TCP11L2: variants seen among roughly 807,000 people sequenced by gnomAD.
TCP11L2 encodes the protein T-complex protein 11-like protein 2.
A neutral mutation model predicts 50.7 loss-of-function variants in TCP11L2; 39 were observed. The observed-to-expected ratio is 0.77, with a 90% CI of 0.60 to 1.01. TCP11L2 has a LOEUF of 1.01. Ranked by LOEUF, TCP11L2 falls within the 50% of genes least tolerant of loss-of-function variation. TCP11L2 has a pLI of 0.00. For missense variants in TCP11L2, 612 were observed against 614.7 expected (o/e 1.00, Z 0.05); for synonymous variants, 192 against 219.3 (o/e 0.88, Z 1.10).
In TCP11L2 at chr12:106,321,550, A is replaced by G; in HGVS notation, c.479A>G (p.Asp160Gly). The G allele has an allele frequency of 6.2e-7, 1 of 1,614,226 alleles. No individual in the cohort carries two copies. Among genetic ancestry groups the G allele is most frequent in the Non-Finnish European group, 8.5e-7 (1 of 1,180,044 alleles). Reference sequence around the variant, plus strand: ...CGCAACCAAATCTGTGAAGTTTTGGACACAGACCTCATTAGGCAGCAGGCT... The same window carrying G: ...CGCAACCAAATCTGTGAAGTTTTGGGCACAGACCTCATTAGGCAGCAGGCT... ...RLRNQICEVL[D>G]TDLIRQQAEH... The change falls in exon 5 of 10, where the codon GAC becomes GGC. Residue 160 changes from aspartate (D) to glycine (G), a missense_variant. Transcript: ENST00000299045.
rs1197399194 is a variant in TCP11L2 at position 106,321,391 on chromosome 12, G to T, written c.415-95G>T. ...TCTGTGGCATCTGAGGCACTAAAAT[G>T]TGGGCAAAGAGCTTGGTCATCTAGA... On this transcript the variant is annotated intron_variant, in intron 4 of 9. Transcript: ENST00000299045. 14 of 1,082,004 alleles carry T rather than the reference G, an allele frequency of 1.3e-5. No individual in the cohort carries two copies. The South Asian group carries it at 1.9e-4, about 15-fold the overall frequency. The allele number at this position is 1,082,004 out of a possible 1,614,324, so 67.0% of individuals were successfully genotyped here. A position where few individuals can be genotyped will look rare whatever the true frequency, so the allele number is the denominator to read the frequency against.
At chr12:106,300,516 G>A (rs2034392358), upstream of TCP11L2, among the ~76,000 whole-genome samples, 2 of 152,106 alleles carry the variant, frequency 1.3e-5, no homozygotes, top group African/African-American at 4.8e-5. Context: ...ATTTTTAGTA[G>A]AGACGGGGTT....
At chr12:106,321,838 A>C in intron 5 of TCP11L2, 132 bp downstream of exon 5, 5 of 697,274 alleles carry the variant, frequency 7.2e-6, no homozygotes, top group Non-Finnish European at 1.2e-5. Flanking sequence ...AAACCATATA[A>C]GCAGAGACCA....
At chr12:106,315,318 A>G (rs1216965414) in intron 3 of TCP11L2, among the ~76,000 whole-genome samples, 1 of 152,184 alleles carries the variant, frequency 6.6e-6, no homozygotes, top group African/African-American at 2.4e-5. Context: ...TTTATATGTC[A>G]CTTCCTGAGG....
At chr12:106,298,195 C>G (rs1201580797), upstream of TCP11L2, among the ~76,000 whole-genome samples, 5 of 152,260 alleles carry the variant, frequency 3.3e-5, no homozygotes, top group South Asian at 1.0e-3. Context: ...ATAGTCAAAA[C>G]TGGTCAATTA....
chr12:106,319,892 G>A lies in TCP11L2; in HGVS notation c.414+1428G>A, dbSNP rs538985869. The stretch of plus-strand genomic sequence containing the variant: ...TAACTGAATAATCAATAAATAGGCT[G>A]CTTGTATATAATAAATATTCTATAT... On this transcript the variant is annotated intron_variant, in intron 4 of 9. Coordinates refer to ENST00000299045, the MANE Select transcript of TCP11L2 (RefSeq NM_152772.3). 2.7e-3 allele frequency among the ~76,000 whole-genome samples: 410 copies of A among 152,296 alleles called. 1 individual carries two copies. The highest frequency in any genetic ancestry group is 9.1e-3 in the African/African-American group (378 of 41,552).
chr12:106,346,174 TA>T, intron 9 of TCP11L2, 111 bp from the exon 10 acceptor site: 1 of 1,143,630 alleles, frequency 8.7e-7, no homozygotes. Flanking sequence ...CAGGGAGGGG[TA>T]AAGAATTGGG....
intron 6 of TCP11L2, among the ~76,000 whole-genome samples, chr12:106,326,120 C>G (rs1383341998): frequency 6.6e-6 from 1 of 152,162 alleles, no homozygotes; most frequent in African/African-American, 2.4e-5. Flanking sequence ...ACACCAGCCT[C>G]TGGGGTTTAA....
At chr12:106,329,434 A>G in intron 6 of TCP11L2, 5 of 1,534,994 alleles carry the variant, frequency 3.3e-6, no homozygotes, top group East Asian at 2.4e-5. Context: ...GCCGATCCCT[A>G]AGAGAAGAGC....
chr12:106,301,133 G>C (rs12315284), upstream of TCP11L2, among the ~76,000 whole-genome samples: 1,062 of 152,278 alleles, frequency 7.0e-3, 12 homozygotes, highest in African/African-American at 0.024. Flanking sequence ...CTGTCATTCT[G>C]ATTACTTATC....
At position 106,335,813 on chromosome 12, in the gene TCP11L2, AAG is replaced by A. The variant is rs1374628015; in HGVS notation, c.949_950del (p.Glu317IlefsTer45). 6.2e-7 allele frequency: 1 copy of A among 1,613,686 alleles called. No individual in the cohort carries two copies. The highest frequency in any genetic ancestry group is 2.2e-5 in the East Asian group (1 of 44,874). On this transcript the variant is annotated frameshift_variant, in exon 7 of 10. Transcript: ENST00000299045. LOFTEE classifies it high-confidence loss of function. The stretch of plus-strand genomic sequence containing the variant: ...CTGTTACAGTGGGATTATCAGAAAA[AAG>A]AATTACCAGAGGTGAGTGGTTTTGT...
intron 6 of TCP11L2, chr12:106,330,130 T>C: frequency 1.0e-6 from 1 of 985,412 alleles, no homozygotes; most frequent in Non-Finnish European, 1.2e-6. Context: ...ACCTTAGAAC[T>C]GGGCCTAAAG....
At chr12:106,329,195 C>T (rs1414616812) in intron 6 of TCP11L2, 3 of 1,070,660 alleles carry the variant, frequency 2.8e-6, no homozygotes, top group Non-Finnish European at 4.1e-6. Flanking sequence ...AGACTAGGAA[C>T]TTCTCGAGTG....
intron 9 of TCP11L2, among the ~76,000 whole-genome samples, chr12:106,343,414 C>T (rs962263109): frequency 6.6e-5 from 10 of 152,218 alleles, no homozygotes; most frequent in South Asian, 2.1e-4. Flanking sequence ...AGAGAGATTC[C>T]TGGAACCTGA....
At chr12:106,343,496 C>T (rs180851272) in intron 9 of TCP11L2, among the ~76,000 whole-genome samples, 2 of 152,260 alleles carry the variant, frequency 1.3e-5, no homozygotes, top group East Asian at 3.9e-4. Context: ...CTTTTGTTCT[C>T]AGTTGATGCG....
intron 6 of TCP11L2, among the ~76,000 whole-genome samples, chr12:106,330,672 C>T (rs369829168): frequency 9.2e-5 from 14 of 152,060 alleles, no homozygotes; most frequent in African/African-American, 3.1e-4. Context: ...GTCTGGTGGC[C>T]GTTGAGCACT....
chr12:106,316,598 C>T (rs901699954), intron 3 of TCP11L2, among the ~76,000 whole-genome samples: 1 of 152,154 alleles, frequency 6.6e-6, no homozygotes, highest in African/African-American at 2.4e-5. Flanking sequence ...CTTAAAGAGG[C>T]TTTTTCCCAC....
chr12:106,327,946 ATC>A (rs145078569), intron 6 of TCP11L2, among the ~76,000 whole-genome samples: 96 of 152,348 alleles, frequency 6.3e-4, no homozygotes, highest in Non-Finnish European at 1.0e-3. Context: ...CATGTAAATT[ATC>A]TGTGAAAATA....
At chr12:106,299,793 T>C (rs2034382924), upstream of TCP11L2, among the ~76,000 whole-genome samples, 1 of 152,230 alleles carries the variant, frequency 6.6e-6, no homozygotes, top group African/African-American at 2.4e-5. Context: ...TGCATTACAT[T>C]AAATCAGTAC....
Sources: gnomAD v4.1 joint callset for allele counts (sites outside exome capture counted in the v4.1 genomes callset) on GRCh38, gnomAD v4.1.1 for gene constraint, MANE v1.5 for transcripts, NCBI Gene and HGNC (gene_info 2026-07-23, HGNC 2026-07-21) for gene names.